MRPS28: variants seen among roughly 807,000 people sequenced by gnomAD.
The protein encoded by MRPS28 is mitochondrial ribosomal protein S28, also known as small ribosomal subunit protein bS1m.
Under a neutral mutation model 10.8 loss-of-function variants are expected in MRPS28, and 7 were observed. That is an observed-to-expected ratio of 0.65 (90% CI 0.37 to 1.22). MRPS28 has a LOEUF of 1.22. MRPS28 is among the 50% of genes most tolerant of loss of function. The pLI, the probability that MRPS28 is intolerant of heterozygous loss-of-function variation, is 0.02. For missense variants in MRPS28, 265 were observed against 232.9 expected (o/e 1.14, Z -0.90); for synonymous variants, 121 against 93.3 (o/e 1.30, Z -1.71).
intron 2 of MRPS28, among the ~76,000 whole-genome samples, chr8:79,938,705 C>CA (rs1302271031): frequency 2.0e-5 from 3 of 152,150 alleles, no homozygotes; most frequent in African/African-American, 7.2e-5. Flanking sequence ...AGAAGAGCAT[C>CA]TGTACATAAC....
chr8:79,958,256 C>A, intron 2 of MRPS28: 1 of 606,976 alleles, frequency 1.6e-6, no homozygotes, highest in South Asian at 2.0e-5. Flanking sequence ...TGGAATCATA[C>A]AATATATGAT....
chr8:79,970,218 T>C (rs1424383063), intron 2 of MRPS28, among the ~76,000 whole-genome samples: 5 of 152,182 alleles, frequency 3.3e-5, no homozygotes, highest in Non-Finnish European at 7.3e-5. Context: ...TCACGGGTTT[T>C]TTTTACCTAG....
intron 1 of MRPS28, among the ~76,000 whole-genome samples, chr8:80,018,527 C>T (rs1388737413): frequency 6.6e-6 from 1 of 152,128 alleles, no homozygotes; most frequent in Admixed American, 6.5e-5. Context: ...CCATCATATA[C>T]TGTTAGCGGG....
At chr8:80,029,725 T>C (rs1809597355) in intron 1 of MRPS28, 3 of 1,433,964 alleles carry the variant, frequency 2.1e-6, no homozygotes, top group African/African-American at 1.4e-5. Context: ...GGAATCGCCC[T>C]AGATCGCCTC....
intron 1 of MRPS28, among the ~76,000 whole-genome samples, chr8:80,004,569 A>G (rs1808770855): frequency 6.6e-6 from 1 of 152,232 alleles, no homozygotes; most frequent in Admixed American, 6.5e-5. Context: ...AATTCTAAAA[A>G]TCAGAGTGCC....
At chr8:79,941,095 G>A (rs1806754970) in intron 2 of MRPS28, among the ~76,000 whole-genome samples, 1 of 151,902 alleles carries the variant, frequency 6.6e-6, no homozygotes, top group Non-Finnish European at 1.5e-5. Context: ...AAACCAGCCT[G>A]GGCAACACAG....
At chr8:79,948,731 TTC>T (rs1806997071) in intron 2 of MRPS28, among the ~76,000 whole-genome samples, 2 of 152,220 alleles carry the variant, frequency 1.3e-5, no homozygotes, top group Non-Finnish European at 1.5e-5. Flanking sequence ...CATATGGATT[TTC>T]TTTTTTTTAT....
chr8:79,919,126 C>G lies in MRPS28; in HGVS notation c.418G>C (p.Val140Leu). 3 of 1,587,716 alleles carry G rather than the reference C, an allele frequency of 1.9e-6. No individual in the cohort carries two copies. The highest frequency in any genetic ancestry group is 2.6e-6 in the Non-Finnish European group (3 of 1,171,566). Residue 140 changes from valine (V) to leucine (L), a missense_variant, in exon 3 of 3, where the codon GTC becomes CTC. Transcript: ENST00000276585. ...DGEKYQKGTRVRLRLLDLELT... is the reference protein window; with the variant it reads ...DGEKYQKGTRLRLRLLDLELT... ...TCAAGATCTAATAGCCGCAACCGGA[C>G]CCTGGTTCCTTTCTGGTATTTCCTA...
At chr8:80,005,041 A>G (rs1326114919) in intron 1 of MRPS28, among the ~76,000 whole-genome samples, 2 of 152,236 alleles carry the variant, frequency 1.3e-5, no homozygotes, top group Non-Finnish European at 2.9e-5. Context: ...GGGAGAATGG[A>G]ACCAAGTTGG....
intron 2 of MRPS28, among the ~76,000 whole-genome samples, chr8:79,974,915 A>G (rs973324242): frequency 4.6e-5 from 7 of 152,322 alleles, no homozygotes; most frequent in Admixed American, 3.9e-4. Context: ...TTAGTTCACA[A>G]ATATTACATT....
At chr8:80,008,238 G>A (rs564948531) in intron 1 of MRPS28, among the ~76,000 whole-genome samples, 10 of 152,284 alleles carry the variant, frequency 6.6e-5, no homozygotes, top group African/African-American at 2.4e-4. Context: ...AGCTGAAAGT[G>A]GATCCCTTTC....
intron 2 of MRPS28, among the ~76,000 whole-genome samples, chr8:79,989,464 G>A (rs561034450): frequency 1.3e-5 from 2 of 152,256 alleles, no homozygotes; most frequent in South Asian, 2.1e-4. Flanking sequence ...AGAAATCTAC[G>A]AGAAATGAAT....
chr8:79,921,171 C>A (rs1810083338), intron 2 of MRPS28, among the ~76,000 whole-genome samples: 1 of 152,066 alleles, frequency 6.6e-6, no homozygotes, highest in African/African-American at 2.4e-5. Flanking sequence ...GTACCAGTAC[C>A]ATGCTGTTTT....
rs536242861 is a variant in MRPS28, at chr8:79,982,758, C to T, written c.395+20241G>A. On this transcript the variant is annotated intron_variant, in intron 2 of 2. Coordinates refer to ENST00000276585, the MANE Select transcript of MRPS28 (RefSeq NM_014018.3). Reference sequence around the variant, plus strand: ...GGCTTGCTTAGGTAAACAAAGCAGCCGGGAAGCTCGAACTGGGTGGAGCCC... The same window carrying T: ...GGCTTGCTTAGGTAAACAAAGCAGCTGGGAAGCTCGAACTGGGTGGAGCCC... 1.4e-4 allele frequency among the ~76,000 whole-genome samples: 22 copies of T among 152,300 alleles called. 1 individual carries two copies. Among genetic ancestry groups the T allele is most frequent in the East Asian group, 1.2e-3 (6 of 5,176 alleles).
intron 2 of MRPS28, among the ~76,000 whole-genome samples, chr8:79,923,992 C>G (rs1372181467): frequency 6.6e-6 from 1 of 152,188 alleles, no homozygotes; most frequent in Non-Finnish European, 1.5e-5. Context: ...ATGGTTCTCA[C>G]AGACTTAAAA....
intron 2 of MRPS28, among the ~76,000 whole-genome samples, chr8:79,984,541 A>G (rs1180755575): frequency 1.3e-5 from 2 of 152,226 alleles, no homozygotes; most frequent in Non-Finnish European, 2.9e-5. Flanking sequence ...TCTCATGTGC[A>G]CAGACACACA....
At chr8:79,926,667 G>A (rs574053574) in intron 2 of MRPS28, among the ~76,000 whole-genome samples, 1 of 152,284 alleles carries the variant, frequency 6.6e-6, no homozygotes, top group Middle Eastern at 3.4e-3. Context: ...ACTCATTGAA[G>A]GCATTCTTTG....
chr8:79,922,443 G>A (rs1810119003), intron 2 of MRPS28, among the ~76,000 whole-genome samples: 1 of 152,106 alleles, frequency 6.6e-6, no homozygotes, highest in Non-Finnish European at 1.5e-5. Context: ...TTGTAGACCT[G>A]GAAATTGCTA....
At chr8:80,024,155 A>G (rs1809439461) in intron 1 of MRPS28, among the ~76,000 whole-genome samples, 1 of 152,082 alleles carries the variant, frequency 6.6e-6, no homozygotes. Context: ...ACCTGAGCCA[A>G]GGGAGAGAGG....
Sources: gnomAD v4.1 joint callset for allele counts (sites outside exome capture counted in the v4.1 genomes callset) on GRCh38, gnomAD v4.1.1 for gene constraint, MANE v1.5 for transcripts, NCBI Gene and HGNC (gene_info 2026-07-23, HGNC 2026-07-21) for gene names.